The following ADGRB3 variants were observed in gnomAD, a reference collection of about 807,000 sequenced individuals.
ADGRB3 encodes adhesion G protein-coupled receptor B3.
ADGRB3 carries 37 observed loss-of-function variants against 193.4 expected under a neutral mutation model. That is an observed-to-expected ratio of 0.19 (90% CI 0.15 to 0.25). The LOEUF (loss-of-function observed/expected upper bound fraction) is 0.25. ADGRB3 is among the 10% of genes least tolerant of loss of function. ADGRB3 has a pLI of 1.00. For synonymous variants in ADGRB3, 690 were observed against 644.2 expected (o/e 1.07, Z -1.08); for missense variants, 1,637 against 1,852.9 (o/e 0.88, Z 2.14).
At chr6:68,654,029 A>G (rs1768435236) in intron 3 of ADGRB3, among the ~76,000 whole-genome samples, 1 of 152,128 alleles carries the variant, frequency 6.6e-6, no homozygotes, top group South Asian at 2.1e-4. Context: ...TGTTATTAAT[A>G]TACATGTAAG....
chr6:68,747,904 G>T (rs1456264088), intron 3 of ADGRB3, among the ~76,000 whole-genome samples: 1 of 152,018 alleles, frequency 6.6e-6, no homozygotes, highest in African/African-American at 2.4e-5. Context: ...CATATGGCTT[G>T]GGGGGGCCTC....
At chr6:68,890,877 C>T (rs544703326) in intron 3 of ADGRB3, among the ~76,000 whole-genome samples, 205 of 152,024 alleles carry the variant, frequency 1.3e-3, no homozygotes, top group African/African-American at 4.4e-3. Context: ...GTTTAGCAGG[C>T]GAAAGAAAGA....
At chr6:69,181,694 G>A (rs1436991814) in intron 17 of ADGRB3, among the ~76,000 whole-genome samples, 4 of 151,916 alleles carry the variant, frequency 2.6e-5, no homozygotes, top group Non-Finnish European at 4.4e-5. Flanking sequence ...GCTTTGCTTC[G>A]TCAATGATTA....
rs140274796 is a variant in ADGRB3, at chr6:68,673,024, A to ATC, written c.757+33611_757+33612dup. Among the ~76,000 whole-genome samples the ATC allele has an allele frequency of 5.5e-3, 812 of 147,734 alleles. 5 individuals carry two copies. The highest frequency in any genetic ancestry group is 6.0e-3 in the Non-Finnish European group (396 of 66,516). On this transcript the variant is annotated intron_variant, in intron 3 of 31. Transcript: ENST00000370598. Reference sequence around the variant, plus strand: ...TGTGAGCCAAAATTCCTTAAACTGAATCTCTCTCTCTCTCTCTCTCAGTAG... The same window carrying ATC: ...TGTGAGCCAAAATTCCTTAAACTGAATCTCTCTCTCTCTCTCTCTCTCAGTAG...
intron 15 of ADGRB3, among the ~76,000 whole-genome samples, chr6:69,054,894 CT>C (rs1038808014): frequency 9.2e-5 from 14 of 152,136 alleles, no homozygotes; most frequent in Non-Finnish European, 1.6e-4. Context: ...AATTCCCATA[CT>C]ATATGAAATC....
chr6:69,037,309 T>C (rs1170160871), intron 13 of ADGRB3, among the ~76,000 whole-genome samples: 3 of 152,214 alleles, frequency 2.0e-5, no homozygotes, highest in Non-Finnish European at 2.9e-5. Context: ...GCTTTGCTTA[T>C]ATGATTAAAT....
At chr6:69,338,725 A>G (rs913540841) in intron 24 of ADGRB3, among the ~76,000 whole-genome samples, 191 bp from the exon 25 acceptor site, 1 of 152,246 alleles carries the variant, frequency 6.6e-6, no homozygotes, top group Non-Finnish European at 1.5e-5. Context: ...ACAAAGGCCC[A>G]TATTAAAAGG....
chr6:68,962,623 C>A (rs570354464), intron 8 of ADGRB3, among the ~76,000 whole-genome samples: 9 of 152,200 alleles, frequency 5.9e-5, no homozygotes, highest in African/African-American at 2.2e-4. Context: ...TAAGCACCAC[C>A]TTTTACTATT....
At position 68,930,466 on chromosome 6, in the gene ADGRB3, A is replaced by C; in HGVS notation, c.758-93A>C. On this transcript the variant is annotated intron_variant, in intron 3 of 31. Coordinates refer to ENST00000370598, the MANE Select transcript of ADGRB3 (RefSeq NM_001704.3). ...ATTGTGAATTTAATAATTATCTTCT[A>C]GGTATGTATAGGAACATATTGCATG... 3 of 657,956 alleles carry C rather than the reference A, an allele frequency of 4.6e-6. No individual in the cohort carries two copies. In the Middle Eastern group the frequency reaches 7.9e-4, roughly 173 times the overall value. The allele number at this position is 657,956 out of a possible 1,614,324, so 40.8% of individuals were successfully genotyped here.
chr6:68,855,505 A>C (rs139816724), intron 3 of ADGRB3, among the ~76,000 whole-genome samples: 44 of 152,008 alleles, frequency 2.9e-4, no homozygotes, highest in Non-Finnish European at 5.4e-4. Context: ...CTGTTATATA[A>C]TATATGTGAT....
At chr6:69,339,858 G>A (rs1301537093) in intron 26 of ADGRB3, among the ~76,000 whole-genome samples, 3 of 152,164 alleles carry the variant, frequency 2.0e-5, no homozygotes, top group Non-Finnish European at 2.9e-5. Context: ...TAAAGACACA[G>A]TTCATGAGCA....
chr6:68,908,232 C>G (rs9294812), intron 3 of ADGRB3, among the ~76,000 whole-genome samples: 55,843 of 151,740 alleles, frequency 0.37, 10,928 homozygotes, highest in African/African-American at 0.51. Context: ...GATCGATGAC[C>G]AATTCTAAGG....
intron 3 of ADGRB3, among the ~76,000 whole-genome samples, chr6:68,772,951 A>T (rs801271): frequency 0.21 from 3,070 of 14,716 alleles, 328 homozygotes; most frequent in South Asian, 0.32. Context: ...ACACAAAAAT[A>T]AAAAATAAAA....
chr6:69,232,448 G>T, intron 17 of ADGRB3: 1 of 1,499,978 alleles, frequency 6.7e-7, no homozygotes, highest in Non-Finnish European at 8.8e-7. Flanking sequence ...AGAGAAAATT[G>T]AACCAGGCTC....
chr6:69,136,017 A>T (rs906340372), intron 17 of ADGRB3, among the ~76,000 whole-genome samples: 1 of 152,076 alleles, frequency 6.6e-6, no homozygotes, highest in African/African-American at 2.4e-5. Context: ...ATAACTTGTG[A>T]TATCTCTTTC....
intron 5 of ADGRB3, 92 bp downstream of exon 5, chr6:68,936,772 A>G (rs1582329266): frequency 5.9e-6 from 8 of 1,363,128 alleles, no homozygotes; most frequent in Non-Finnish European, 8.0e-6. Context: ...TGAAACGGGT[A>G]TAGGCATTTT....
chr6:69,021,963 G>C (rs1295747553), intron 13 of ADGRB3, among the ~76,000 whole-genome samples: 4 of 151,598 alleles, frequency 2.6e-5, no homozygotes, highest in Admixed American at 2.6e-4. Context: ...AAAACGTTTA[G>C]CAGAGGTTTG....
chr6:68,949,917 T>A (rs1767870476), intron 6 of ADGRB3, among the ~76,000 whole-genome samples: 1 of 152,136 alleles, frequency 6.6e-6, no homozygotes, highest in Admixed American at 6.6e-5. Flanking sequence ...TTCTTAGCCT[T>A]ACCATTATCA....
chr6:68,781,254 G>A (rs1333444751), intron 3 of ADGRB3, among the ~76,000 whole-genome samples: 2 of 152,104 alleles, frequency 1.3e-5, no homozygotes, highest in Non-Finnish European at 2.9e-5. Context: ...TATGCCAAAC[G>A]CAGTTTTCTC....
Sources: gnomAD v4.1 joint callset for allele counts (sites outside exome capture counted in the v4.1 genomes callset) on GRCh38, gnomAD v4.1.1 for gene constraint, MANE v1.5 for transcripts, NCBI Gene and HGNC (gene_info 2026-07-23, HGNC 2026-07-21) for gene names.